The following SPTAN1 variants were observed in gnomAD, a reference collection of about 807,000 sequenced individuals.
The protein encoded by SPTAN1 is spectrin alpha chain, non-erythrocytic 1.
A neutral mutation model predicts 331.3 loss-of-function variants in SPTAN1; 61 were observed. That is an observed-to-expected ratio of 0.18 (90% CI 0.15 to 0.23). The LOEUF is 0.23. SPTAN1 is among the 10% of genes least tolerant of loss of function. The probability of loss-of-function intolerance (pLI) is 1.00; values close to 1 mark genes in which losing one functional copy is unlikely to be tolerated. For missense variants in SPTAN1, 2,043 were observed against 3,147.9 expected (o/e 0.65, Z 8.40); for synonymous variants, 1,153 against 1,173.9 (o/e 0.98, Z 0.36).
chr9:128,559,859 C>A (rs1350264733), intron 1 of SPTAN1, among the ~76,000 whole-genome samples: 1 of 151,472 alleles, frequency 6.6e-6, no homozygotes, highest in African/African-American at 2.4e-5. Context: ...CTCAGCCTCC[C>A]AGGTAGCTGG....
Position 128,588,818 on chromosome 9 carries a change from G to T in SPTAN1, c.2881G>T (p.Ala961Ser). 1 of 1,613,948 alleles carries T rather than the reference G, an allele frequency of 6.2e-7. No individual in the cohort carries two copies. The highest frequency in any genetic ancestry group is 1.3e-5 in the African/African-American group (1 of 74,992). Residue 961 changes from alanine (A) to serine (S), a missense_variant, in exon 21 of 57, where the codon GCC becomes TCC. Physicochemically the swap from Ala to Ser is moderately conservative, Grantham distance 99. Around this residue, in one of 12 missense-constraint regions of SPTAN1, gnomAD observed 1,038 missense variants for 1,531.5 expected, o/e 0.68. Coordinates refer to ENST00000372739, the MANE Select transcript of SPTAN1 (RefSeq NM_001130438.3). ...EQAQSCRQQV[A>S]PTDDETGKEL... ...TCCTTTGGATTTTTAGCAACAAGTG[G>T]CCCCCACGGATGATGAGACTGGGAA...
chr9:128,614,108 C>G, intron 40 of SPTAN1, among the ~76,000 whole-genome samples: 1 of 151,804 alleles, frequency 6.6e-6, no homozygotes. Flanking sequence ...TATTTTGATT[C>G]GGGTAAGTGT....
chr9:128,575,699 A>G (rs1851221464), intron 5 of SPTAN1, among the ~76,000 whole-genome samples: 1 of 152,154 alleles, frequency 6.6e-6, no homozygotes, highest in South Asian at 2.1e-4. Context: ...GATGTCCACC[A>G]ATGCATTAGG....
At chr9:128,571,612 T>G (rs1021902117) in intron 3 of SPTAN1, among the ~76,000 whole-genome samples, 7 of 152,016 alleles carry the variant, frequency 4.6e-5, no homozygotes, top group African/African-American at 7.2e-5. Flanking sequence ...AAAATAAAAT[T>G]TAAAAAACCT....
At chr9:128,570,330 ATTTTTTT>A (rs541960678) in intron 3 of SPTAN1, among the ~76,000 whole-genome samples, 2,174 of 71,550 alleles carry the variant, frequency 0.03, 17 homozygotes, top group East Asian at 0.076. Flanking sequence ...ATATATATAT[ATTTTTTT>A]TTTTTTTTTT....
intron 1 of SPTAN1, chr9:128,555,497 A>G (rs1848530694): frequency 9.9e-7 from 1 of 1,008,290 alleles, no homozygotes; most frequent in Non-Finnish European, 1.3e-6. Flanking sequence ...GATCCAAAGA[A>G]AGGGGGAAAA....
chr9:128,586,988 T>A (rs1852737343), intron 19 of SPTAN1, among the ~76,000 whole-genome samples: 1 of 151,998 alleles, frequency 6.6e-6, no homozygotes, highest in Non-Finnish European at 1.5e-5. Flanking sequence ...CAGCTAACTT[T>A]TTTTGTATTT....
rs1432758605 is a variant in SPTAN1 at position 128,561,033 on chromosome 9, A to AG, written c.-3-5705_-3-5704insG. Among the ~76,000 whole-genome samples, 52 of 148,624 alleles carry AG rather than the reference A, an allele frequency of 3.5e-4. No homozygotes were observed. The East Asian group carries it at 5.2e-3, about 15-fold the overall frequency. ...CCCATCTCAAAAAAAAAAAAAAAAA[A>AG]AAGAAGTGAAAGGAACTAATAAATA... On this transcript the variant is annotated intron_variant, in intron 1 of 56. Transcript: ENST00000372739.
At position 128,607,906 on chromosome 9, in the gene SPTAN1, T is replaced by C. The variant is rs762172535; in HGVS notation, c.4201T>C (p.Phe1401Leu). Residue 1401 changes from phenylalanine to leucine, a missense_variant, in exon 33 of 57, where the codon TTT (phenylalanine) becomes CTT (leucine). Transcript: ENST00000372739. ...RAGTFQAFEQFGQQLLAHGHY... is the reference protein window; with the variant it reads ...RAGTFQAFEQLGQQLLAHGHY... Reference sequence around the variant, plus strand: ...TGGCACTTTCCAGGCATTTGAGCAGTTTGGACAGCAGCTGTTGGCTCACGG... The same window carrying C: ...TGGCACTTTCCAGGCATTTGAGCAGCTTGGACAGCAGCTGTTGGCTCACGG... 5 of 1,613,920 alleles carry C rather than the reference T, an allele frequency of 3.1e-6. No homozygotes were observed. Among genetic ancestry groups the C allele is most frequent in the Non-Finnish European group, 4.2e-6 (5 of 1,180,004 alleles).
rs559760483 is a variant in SPTAN1 at position 128,612,329 on chromosome 9, G to A, written c.5043+83G>A. 2.9e-5 allele frequency: 45 copies of A among 1,570,416 alleles called. No homozygotes were observed. In the East Asian group the frequency reaches 4.0e-4, roughly 14 times the overall value. ...TGGGTCCATCAGTGCCCAAAACCAC[G>A]AAAAGGCAGGGCTCACCAGACACCC... On this transcript the variant is annotated intron_variant, in intron 39 of 56. Transcript: ENST00000372739.
At chr9:128,559,418 AT>A (rs1348100502) in intron 1 of SPTAN1, among the ~76,000 whole-genome samples, 2 of 152,168 alleles carry the variant, frequency 1.3e-5, no homozygotes, top group African/African-American at 2.4e-5. Flanking sequence ...ATGTGATTTA[AT>A]TTCTGTAGCA....
At chr9:128,612,016 A>G (rs1040240557) in intron 38 of SPTAN1, 93 bp from the exon 39 acceptor site, 15 of 1,610,970 alleles carry the variant, frequency 9.3e-6, no homozygotes, top group Non-Finnish European at 1.2e-5. Flanking sequence ...AGTGTTTTCC[A>G]TTCTCTTCTC....
intron 44 of SPTAN1, among the ~76,000 whole-genome samples, chr9:128,620,571 A>T (rs1381766860): frequency 1.3e-5 from 2 of 152,190 alleles, no homozygotes; most frequent in Non-Finnish European, 1.5e-5. Context: ...TACAAAAATT[A>T]GCTGGGTGTG....
intron 51 of SPTAN1, chr9:128,628,520 C>T (rs548056671): frequency 2.6e-4 from 71 of 271,608 alleles, no homozygotes; most frequent in South Asian, 1.9e-3. Flanking sequence ...ATAGACAGGA[C>T]GTGGGAGGAG....
chr9:128,591,671 A>T (rs532868933), intron 22 of SPTAN1, 46 bp downstream of exon 22: 3 of 1,611,164 alleles, frequency 1.9e-6, no homozygotes, highest in Non-Finnish European at 2.5e-6. Flanking sequence ...TCCCATAGGC[A>T]TACTCTGTTC....
At position 128,621,182 on chromosome 9, in the gene SPTAN1, T is replaced by A; in HGVS notation, c.5758T>A (p.Phe1920Ile). 1 of 1,614,146 alleles carries A rather than the reference T, an allele frequency of 6.2e-7. No homozygotes were observed. Among genetic ancestry groups the A allele is most frequent in the Non-Finnish European group, 8.5e-7 (1 of 1,180,040 alleles). The change falls in exon 45 of 57, where the codon TTT becomes ATT. Residue 1920 changes from phenylalanine (F) to isoleucine (I), a missense_variant. Transcript: ENST00000372739. ...GGGCTTACTGAAGAAACATGAAGCT[T>A]TTGAGACAGACTTCACCGTCCACAA... ...IQGLLKKHEAFETDFTVHKDR... is the reference protein window; with the variant it reads ...IQGLLKKHEAIETDFTVHKDR...
intron 14 of SPTAN1, 83 bp downstream of exon 14, chr9:128,582,932 G>T: frequency 6.3e-7 from 1 of 1,597,266 alleles, no homozygotes; most frequent in Non-Finnish European, 8.5e-7. Context: ...GCTAAAGGAC[G>T]AAATAAGGGA....
At chr9:128,630,676 T>C in intron 52 of SPTAN1, 1 of 361,294 alleles carries the variant, frequency 2.8e-6, no homozygotes, top group Non-Finnish European at 5.2e-6. Context: ...TACAGATGTG[T>C]GCCACCACAT....
Position 128,627,627 on chromosome 9 carries a change from C to T in SPTAN1, c.6689+129C>T, listed in dbSNP as rs956645216. The T allele has an allele frequency of 1.0e-6, 1 of 959,172 alleles. No homozygotes were observed. Among genetic ancestry groups the T allele is most frequent in the Non-Finnish European group, 1.6e-6 (1 of 615,166 alleles). 59.4% of individuals were successfully genotyped at this position (959,172 alleles called of 1,614,324 possible). A position where few individuals can be genotyped will look rare whatever the true frequency, so the allele number is the denominator to read the frequency against. The stretch of plus-strand genomic sequence containing the variant: ...GAGGCAGCCTGGGAATAAAGCTGGG[C>T]TGGCAACGCCTGGTCGGGCTCTGGA... On this transcript the variant is annotated intron_variant, in intron 50 of 56. Transcript: ENST00000372739. The surrounding 1 kb of genome is among the most constrained non-coding windows in gnomAD (Gnocchi z 4.9).
Sources: gnomAD v4.1 joint callset for allele counts (sites outside exome capture counted in the v4.1 genomes callset) on GRCh38, gnomAD v4.1.1 for gene constraint, gnomAD v4.1.1 regional missense constraint, Gnocchi (gnomAD v3.1) non-coding constraint, MANE v1.5 for transcripts, NCBI Gene and HGNC (gene_info 2026-07-23, HGNC 2026-07-21) for gene names.